CD46: variants seen among roughly 807,000 people sequenced by gnomAD.
The protein encoded by CD46 is CD46 molecule, also known as membrane cofactor protein.
In CD46, 30 loss-of-function variants were observed where a neutral mutation model predicts 53.3. The observed-to-expected ratio is 0.56, with a 90% confidence interval of 0.42 to 0.76. The LOEUF (loss-of-function observed/expected upper bound fraction) is 0.76, where lower values mean the gene tolerates loss of function less well. Among genes scored for constraint, CD46 ranks in the 30% least tolerant of loss-of-function variants. The pLI is 0.00. For missense variants in CD46, 409 were observed against 463.0 expected, an observed-to-expected ratio of 0.88 and a Z score of 1.07; for synonymous variants, 142 against 152.0, an observed-to-expected ratio of 0.93 and a Z score of 0.48.
At chr1:207,772,732 G>C (rs1261465700) in intron 8 of CD46, among the ~76,000 whole-genome samples, 1 of 152,212 alleles carries the variant, frequency 6.6e-6, no homozygotes, top group Non-Finnish European at 1.5e-5. Flanking sequence ...AACCAGCCTT[G>C]TATCCCAGGG....
At chr1:207,766,938 G>GCTAAAGCA in intron 5 of CD46, 75 bp from the exon 6 acceptor site, 2 of 1,199,248 alleles carry the variant, frequency 1.7e-6, no homozygotes, top group Non-Finnish European at 2.5e-6. Context: ...TGTTCACACT[G>GCTAAAGCA]GAAATTACTA....
At chr1:207,776,125 C>G (rs770745458) in intron 8 of CD46, among the ~76,000 whole-genome samples, 1 of 152,218 alleles carries the variant, frequency 6.6e-6, no homozygotes, top group Non-Finnish European at 1.5e-5. Flanking sequence ...AGGTCAATCT[C>G]AGACTGCTGC....
At chr1:207,764,406 C>T (rs974996334) in intron 5 of CD46, among the ~76,000 whole-genome samples, 5 of 152,166 alleles carry the variant, frequency 3.3e-5, no homozygotes, top group African/African-American at 7.2e-5. Flanking sequence ...GAGTCCTTGA[C>T]GGCCCTGCCT....
intron 1 of CD46, among the ~76,000 whole-genome samples, chr1:207,755,634 T>C (rs1301559591): frequency 6.6e-6 from 1 of 152,228 alleles, no homozygotes; most frequent in Non-Finnish European, 1.5e-5. Context: ...GGTGTTTTCC[T>C]TATTTCCAGT....
At chr1:207,790,420 A>T (rs1284655317) in intron 12 of CD46, 75 bp downstream of exon 12, 3 of 748,668 alleles carry the variant, frequency 4.0e-6, no homozygotes, top group Non-Finnish European at 7.1e-6. Flanking sequence ...AGATATCAAT[A>T]ACCTGAGCAA....
chr1:207,765,638 C>T (rs1157627384), intron 5 of CD46, among the ~76,000 whole-genome samples: 1 of 152,120 alleles, frequency 6.6e-6, no homozygotes, highest in African/African-American at 2.4e-5. Flanking sequence ...ATTGGAAAGG[C>T]CGAAATGTAA....
At chr1:207,761,020 G>A (rs561567349) in intron 4 of CD46, 175 of 521,618 alleles carry the variant, frequency 3.4e-4, no homozygotes, top group African/African-American at 3.1e-3. Context: ...CATATCAATA[G>A]GTATTTACAC....
intron 8 of CD46, among the ~76,000 whole-genome samples, chr1:207,770,700 G>A (rs1657421684): frequency 6.6e-6 from 1 of 152,132 alleles, no homozygotes; most frequent in Non-Finnish European, 1.5e-5. Flanking sequence ...ATGGTTTCCA[G>A]CTTCATCCAT....
Position 207,793,669 on chromosome 1 carries a change from ACT to A in CD46, c.*196_*197del. The A allele has an allele frequency of 8.1e-7, 1 of 1,227,122 alleles. No individual in the cohort carries two copies. The highest frequency in any genetic ancestry group is 1.2e-6 in the Non-Finnish European group (1 of 833,270). 76.0% of individuals were successfully genotyped at this position (1,227,122 alleles called of 1,614,324 possible). A position where few individuals can be genotyped will look rare whatever the true frequency, so the allele number is the denominator to read the frequency against. ...TCAATAGTTGTTATTCTGTAGTTTC[ACT>A]CTCATGAGTGCAACTGTGGCTTAGC... is the stretch of plus-strand genomic sequence containing the variant. On this transcript the variant is annotated 3_prime_UTR_variant, in exon 13 of 13. Coordinates refer to ENST00000367042, the MANE Select transcript of CD46 (RefSeq NM_172351.3).
rs1288337704 is a variant in CD46, at chr1:207,767,762, A to AT, written c.857-15dup. On this transcript the variant is annotated splice_polypyrimidine_tract_variant and intron_variant, in intron 6 of 12. Transcript: ENST00000367042. ...CCAAGTGTTTGGTCCAATCTACATTATTATTTTGTTTTCCAGTGTCGACTT... is the reference window on the plus strand; with the variant it reads ...CCAAGTGTTTGGTCCAATCTACATTATTTATTTTGTTTTCCAGTGTCGACTT... 1.2e-6 allele frequency: 2 copies of AT among 1,611,002 alleles called. No homozygotes were observed. The highest frequency in any genetic ancestry group is 1.7e-6 in the Non-Finnish European group (2 of 1,177,344).
intron 8 of CD46, among the ~76,000 whole-genome samples, chr1:207,779,272 C>CT (rs940913346): frequency 2.0e-5 from 3 of 152,040 alleles, no homozygotes; most frequent in African/African-American, 7.2e-5. Flanking sequence ...TGGATGCCCT[C>CT]TGTTTCTTTC....
In CD46 at chr1:207,783,321, GAC is replaced by G; in HGVS notation, c.975_976del (p.Asp325GlufsTer41). On this transcript the variant is annotated frameshift_variant, in exon 9 of 13. Transcript: ENST00000367042. LOFTEE classifies it high-confidence loss of function. ...GYPKPEEGIL[D>X]SLDVWVIAVI... ...TCCTAAACCTGAGGAAGGAATACTT[GAC>G]AGTTTGGGTTGGTATAGCTATCATG... 1 of 1,536,712 alleles carries G rather than the reference GAC, an allele frequency of 6.5e-7. No homozygotes were observed. Among genetic ancestry groups the G allele is most frequent in the Non-Finnish European group, 9.0e-7 (1 of 1,110,564 alleles).
intron 8 of CD46, among the ~76,000 whole-genome samples, chr1:207,780,380 A>G (rs528663993): frequency 2.4e-4 from 37 of 152,238 alleles, no homozygotes; most frequent in Admixed American, 6.5e-4. Context: ...TCAGAACTTC[A>G]TTCCTTTTTA....
intron 7 of CD46, chr1:207,768,920 T>A (rs1355517272): frequency 6.6e-6 from 1 of 152,206 alleles, no homozygotes; most frequent in East Asian, 1.9e-4. Context: ...TCCCTAATAT[T>A]TTAAAGGATC....
chr1:207,771,956 G>T (rs536435649), intron 8 of CD46, among the ~76,000 whole-genome samples: 1 of 152,224 alleles, frequency 6.6e-6, no homozygotes, highest in Admixed American at 6.5e-5. Context: ...AGCTTGATGT[G>T]GATAGCATTG....
At chr1:207,779,911 G>GTTTTTTTTTTTTT (rs1163376440) in intron 8 of CD46, among the ~76,000 whole-genome samples, 7 of 25,806 alleles carry the variant, frequency 2.7e-4, no homozygotes, top group East Asian at 0.011. Context: ...GCAAAAGCAA[G>GTTTTTTTTTTTTT]TCTTTTTTTT....
intron 3 of CD46, among the ~76,000 whole-genome samples, chr1:207,759,188 A>G (rs1044974827): frequency 7.2e-5 from 11 of 152,226 alleles, no homozygotes; most frequent in Admixed American, 3.3e-4. Flanking sequence ...CTTTTAATCA[A>G]TTAGGAAGCT....
rs542973759 is a variant in CD46 at position 207,766,864 on chromosome 1, A to G, written c.674-149A>G. 9.2e-5 allele frequency: 59 copies of G among 641,954 alleles called. No homozygotes were observed. In the African/African-American group the frequency reaches 1.0e-3, roughly 11 times the overall value. 39.8% of individuals were successfully genotyped at this position (641,954 alleles called of 1,614,324 possible). A position where few individuals can be genotyped will look rare whatever the true frequency, so the allele number is the denominator to read the frequency against. On this transcript the variant is annotated intron_variant, in intron 5 of 12. Transcript: ENST00000367042. ...TAGAATTCTGTATGAAGGAGAATAT[A>G]TTAGTTAACATTTAAAGTCTTTTAA...
At position 207,752,115 on chromosome 1, in the gene CD46, G is replaced by A; in HGVS notation, c.-98G>A. ...GATGCTTTGTGAGTTGGGGATTGTT[G>A]CGTCCCATATCTGGACCCAGAAGGG... is the stretch of plus-strand genomic sequence containing the variant. On this transcript the variant is annotated 5_prime_UTR_variant, in exon 1 of 13. Transcript: ENST00000367042. This position sits in a 1 kb window ranked among gnomAD's most constrained non-coding sequence, Gnocchi z 4.1. 1 of 1,106,512 alleles carries A rather than the reference G, an allele frequency of 9.0e-7. No homozygotes were observed. Among genetic ancestry groups the A allele is most frequent in the Non-Finnish European group, 1.4e-6 (1 of 728,580 alleles). 68.5% of individuals were successfully genotyped at this position (1,106,512 alleles called of 1,614,324 possible).
Sources: gnomAD v4.1 joint callset for allele counts (sites outside exome capture counted in the v4.1 genomes callset) on GRCh38, gnomAD v4.1.1 for gene constraint, Gnocchi (gnomAD v3.1) non-coding constraint, MANE v1.5 for transcripts, NCBI Gene and HGNC (gene_info 2026-07-23, HGNC 2026-07-21) for gene names.